WBP1L: variants seen among roughly 807,000 people sequenced by gnomAD.
The protein encoded by WBP1L is WW domain binding protein 1 like.
Under a neutral mutation model 33.7 loss-of-function variants are expected in WBP1L, and 17 were observed. The ratio of observed to expected loss-of-function variants is 0.50; its 90% confidence interval spans 0.34 to 0.76. The LOEUF (loss-of-function observed/expected upper bound fraction) is 0.76. WBP1L is among the 30% of genes least tolerant of loss of function. WBP1L has a pLI of 0.01. For synonymous variants in WBP1L, 173 were observed against 190.8 expected (o/e 0.91, Z 0.77); for missense variants, 389 against 469.4 (o/e 0.83, Z 1.58).
intron 1 of WBP1L, chr10:102,744,548 G>T: frequency 1.1e-6 from 1 of 937,678 alleles, no homozygotes; most frequent in Non-Finnish European, 1.3e-6. Context: ...CTGTGAGGGA[G>T]GGGATCCTGA....
intron 1 of WBP1L, among the ~76,000 whole-genome samples, chr10:102,749,432 G>A (rs1400409648): frequency 6.6e-6 from 1 of 151,402 alleles, no homozygotes; most frequent in Non-Finnish European, 1.5e-5. Context: ...CACCACACCT[G>A]GCCCTATATT....
chr10:102,806,264 A>G (rs1843733644), intron 2 of WBP1L, among the ~76,000 whole-genome samples: 1 of 152,160 alleles, frequency 6.6e-6, no homozygotes, highest in Non-Finnish European at 1.5e-5. Flanking sequence ...AAAGTAACAC[A>G]GAAGTATAAT....
At chr10:102,798,818 C>T (rs1843611017) in intron 2 of WBP1L, among the ~76,000 whole-genome samples, 1 of 152,214 alleles carries the variant, frequency 6.6e-6, no homozygotes, top group Non-Finnish European at 1.5e-5. Flanking sequence ...GTAAGGACCA[C>T]AGGGGCTTCC....
chr10:102,769,444 G>A (rs552934494), intron 1 of WBP1L, among the ~76,000 whole-genome samples: 37 of 147,782 alleles, frequency 2.5e-4, no homozygotes, highest in South Asian at 8.5e-4. Context: ...TTTGTCCCTC[G>A]CCTCACCATG....
intron 1 of WBP1L, among the ~76,000 whole-genome samples, chr10:102,747,612 G>A (rs552908879): frequency 2.6e-4 from 39 of 152,002 alleles, no homozygotes; most frequent in African/African-American, 7.5e-4. Context: ...CTGCAGCCTC[G>A]ACCTCCCAGG....
chr10:102,803,292 G>A (rs926160734), intron 2 of WBP1L, among the ~76,000 whole-genome samples: 3 of 152,200 alleles, frequency 2.0e-5, no homozygotes, highest in Non-Finnish European at 1.5e-5. Context: ...GATGGGAGGA[G>A]AGCTCACTTA....
intron 1 of WBP1L, among the ~76,000 whole-genome samples, chr10:102,760,224 G>T (rs1300747923): frequency 1.3e-5 from 2 of 152,142 alleles, no homozygotes; most frequent in African/African-American, 2.4e-5. Context: ...GCTCTTCCCA[G>T]TGAGTGATGC....
At chr10:102,768,970 GAGC>G (rs966582135) in intron 1 of WBP1L, among the ~76,000 whole-genome samples, 18 of 152,222 alleles carry the variant, frequency 1.2e-4, no homozygotes, top group African/African-American at 3.9e-4. Flanking sequence ...TTACAGGCTT[GAGC>G]CATTGCGCTT....
intron 1 of WBP1L, among the ~76,000 whole-genome samples, chr10:102,773,460 G>C (rs1843217643): frequency 6.6e-6 from 1 of 152,154 alleles, no homozygotes; most frequent in African/African-American, 2.4e-5. Context: ...ATCATAAAAG[G>C]ATGATTCATT....
chr10:102,748,267 A>C (rs1380959274), intron 1 of WBP1L, among the ~76,000 whole-genome samples: 1 of 151,822 alleles, frequency 6.6e-6, no homozygotes, highest in East Asian at 1.9e-4. Flanking sequence ...CAAAAAAAAA[A>C]AACCAAACAA....
chr10:102,751,128 G>C (rs1435760163), intron 1 of WBP1L, among the ~76,000 whole-genome samples: 1 of 151,932 alleles, frequency 6.6e-6, no homozygotes, highest in African/African-American at 2.4e-5. Context: ...AGCCTCCTGA[G>C]TAGCTGGGAC....
At chr10:102,788,758 T>G (rs1296037981) in intron 1 of WBP1L, among the ~76,000 whole-genome samples, 1 of 152,208 alleles carries the variant, frequency 6.6e-6, no homozygotes, top group Non-Finnish European at 1.5e-5. Flanking sequence ...GAAGGAAAGT[T>G]TGTTTTGTTG....
intron 2 of WBP1L, among the ~76,000 whole-genome samples, chr10:102,799,901 C>CAA (rs1297756762): frequency 6.6e-6 from 1 of 152,166 alleles, no homozygotes; most frequent in African/African-American, 2.4e-5. Flanking sequence ...GTGGTTCCTC[C>CAA]AAACAAGACC....
rs956990198 is a variant in WBP1L at position 102,815,028 on chromosome 10, G to A, written c.*1697G>A. ...CTTTTTGGGTGAGCCGTGTGTGTCT[G>A]TCTGTTGTGTGTGTGCCTCAAGCCC... is the stretch of plus-strand genomic sequence containing the variant. On this transcript the variant is annotated 3_prime_UTR_variant, in exon 4 of 4. Transcript: ENST00000448841. The A allele has an allele frequency of 1.3e-5, 2 of 152,596 alleles. No homozygotes were observed. The highest frequency in any genetic ancestry group is 4.8e-5 in the African/African-American group (2 of 41,432). 9.5% of individuals were successfully genotyped at this position (152,596 alleles called of 1,614,324 possible). A position where few individuals can be genotyped will look rare whatever the true frequency, so the allele number is the denominator to read the frequency against.
intron 2 of WBP1L, among the ~76,000 whole-genome samples, chr10:102,799,957 CAT>C (rs1843631700): frequency 1.3e-5 from 2 of 152,304 alleles, no homozygotes; most frequent in South Asian, 4.1e-4. Flanking sequence ...AGGACGGGCT[CAT>C]CTGCCTTTCT....
At chr10:102,789,880 C>G (rs1345269676) in intron 1 of WBP1L, among the ~76,000 whole-genome samples, 2 of 151,302 alleles carry the variant, frequency 1.3e-5, no homozygotes, top group Admixed American at 6.6e-5. Flanking sequence ...GTAGCTGGGA[C>G]TACAGGCGCC....
At chr10:102,773,767 C>T (rs371222166) in intron 1 of WBP1L, among the ~76,000 whole-genome samples, 2 of 151,298 alleles carry the variant, frequency 1.3e-5, no homozygotes, top group East Asian at 1.9e-4. Flanking sequence ...GGCGTGGTGG[C>T]GTGTGCCTGT....
chr10:102,782,214 CTTTTTTTTT>C (rs397961661), intron 1 of WBP1L, among the ~76,000 whole-genome samples: 2 of 49,154 alleles, frequency 4.1e-5, no homozygotes, highest in East Asian at 8.2e-4. Flanking sequence ...AAAGAAGCTG[CTTTTTTTTT>C]TTTTTTTTTT....
chr10:102,778,526 A>T (rs1222675517), intron 1 of WBP1L, among the ~76,000 whole-genome samples: 1 of 152,214 alleles, frequency 6.6e-6, no homozygotes, highest in Non-Finnish European at 1.5e-5. Flanking sequence ...ATCTGAGAGG[A>T]TCAACAGCAG....
Sources: gnomAD v4.1 joint callset for allele counts (sites outside exome capture counted in the v4.1 genomes callset) on GRCh38, gnomAD v4.1.1 for gene constraint, MANE v1.5 for transcripts, NCBI Gene and HGNC (gene_info 2026-07-23, HGNC 2026-07-21) for gene names.